The following LOC400499 variants were observed in gnomAD, a reference collection of about 807,000 sequenced individuals.
the LOC400499 span, among the ~76,000 whole-genome samples, chr16:11,503,528 G>A: frequency 6.6e-6 from 1 of 152,170 alleles, no homozygotes. Context: ...GCCAGGGCCA[G>A]GCCTGAATCC....
the LOC400499 span, chr16:11,384,134 CGCCT>C: frequency 8.2e-7 from 1 of 1,215,096 alleles, no homozygotes; most frequent in Non-Finnish European, 1.0e-6. Flanking sequence ...GCCATCAGGC[CGCCT>C]GCCTCTCCCG....
At chr16:11,454,789 A>G in the LOC400499 span, among the ~76,000 whole-genome samples, 2 of 152,244 alleles carry the variant, frequency 1.3e-5, no homozygotes, top group African/African-American at 4.8e-5. Context: ...AGCTACTGAA[A>G]GATGTACTCC....
the LOC400499 span, chr16:11,460,526 T>A: frequency 1.7e-5 from 26 of 1,535,066 alleles, 1 homozygote; most frequent in African/African-American, 1.9e-4. Flanking sequence ...GTGGCGCAGC[T>A]CCAGCCTGTA....
At chr16:11,396,362 C>T in the LOC400499 span, 1 of 739,526 alleles carries the variant, frequency 1.4e-6, no homozygotes. Flanking sequence ...GAAGCTCTGG[C>T]CCCATCCAGA....
At chr16:11,374,506 G>A in the LOC400499 span, among the ~76,000 whole-genome samples, 2 of 152,174 alleles carry the variant, frequency 1.3e-5, no homozygotes, top group South Asian at 2.1e-4. Context: ...CCCAGCTCCC[G>A]GCAGCCACCA....
chr16:11,445,506 G>C, the LOC400499 span, among the ~76,000 whole-genome samples: 5 of 152,136 alleles, frequency 3.3e-5, no homozygotes, highest in Non-Finnish European at 5.9e-5. Flanking sequence ...TCAGGTGAGA[G>C]GATGCTTGAG....
At chr16:11,408,732 T>C in the LOC400499 span, among the ~76,000 whole-genome samples, 4 of 152,166 alleles carry the variant, frequency 2.6e-5, no homozygotes, top group Non-Finnish European at 5.9e-5. Flanking sequence ...CAAAGTGTTG[T>C]GATTATGAGT....
At chr16:11,393,893 C>T in the LOC400499 span, among the ~76,000 whole-genome samples, 1 of 152,182 alleles carries the variant, frequency 6.6e-6, no homozygotes, top group Non-Finnish European at 1.5e-5. Flanking sequence ...GCCTGGACCA[C>T]ATGGCAAAAA....
chr16:11,426,599 C>T, the LOC400499 span, among the ~76,000 whole-genome samples: 1 of 151,226 alleles, frequency 6.6e-6, no homozygotes, highest in Non-Finnish European at 1.5e-5. Context: ...TTCTTAGCTA[C>T]TGCAATAAGA....
the LOC400499 span, among the ~76,000 whole-genome samples, chr16:11,438,591 C>G: frequency 3.3e-5 from 4 of 119,978 alleles, no homozygotes; most frequent in African/African-American, 1.4e-4. Context: ...GGCAACATAG[C>G]GAGACCCTGT....
At chr16:11,521,040 C>T in the LOC400499 span, among the ~76,000 whole-genome samples, 1 of 152,120 alleles carries the variant, frequency 6.6e-6, no homozygotes, top group African/African-American at 2.4e-5. Flanking sequence ...ATAAAAACAA[C>T]CACAAGTGTT....
chr16:11,446,700 T>C, the LOC400499 span: 1 of 1,532,342 alleles, frequency 6.5e-7, no homozygotes, highest in Non-Finnish European at 8.7e-7. Flanking sequence ...GCTGGGGCCT[T>C]CCTCTGGCTC....
chr16:11,423,567 C>G, the LOC400499 span, among the ~76,000 whole-genome samples: 1 of 152,242 alleles, frequency 6.6e-6, no homozygotes, highest in African/African-American at 2.4e-5. Flanking sequence ...GAGGAAGCAT[C>G]TTGCATGTGG....
At chr16:11,441,927 A>C in the LOC400499 span, among the ~76,000 whole-genome samples, 2 of 152,240 alleles carry the variant, frequency 1.3e-5, no homozygotes, top group African/African-American at 4.8e-5. Context: ...TAAACCACTA[A>C]GATTTCAGAG....
chr16:11,489,119 G>A, the LOC400499 span, among the ~76,000 whole-genome samples: 2 of 152,350 alleles, frequency 1.3e-5, no homozygotes, highest in Non-Finnish European at 2.9e-5. Context: ...AAAGGAAGGT[G>A]TCATGGACTC....
At chr16:11,484,303 G>A in the LOC400499 span, among the ~76,000 whole-genome samples, 19 of 152,162 alleles carry the variant, frequency 1.2e-4, no homozygotes, top group East Asian at 3.9e-4. Flanking sequence ...CACTACGCCC[G>A]GCCGCAGGAA....
At chr16:11,419,987 C>T in the LOC400499 span, among the ~76,000 whole-genome samples, 1 of 150,746 alleles carries the variant, frequency 6.6e-6, no homozygotes, top group South Asian at 2.1e-4. Context: ...CACTTTTACA[C>T]TGTTGGTGGG....
At chr16:11,459,010 C>T in the LOC400499 span, among the ~76,000 whole-genome samples, 125 of 151,400 alleles carry the variant, frequency 8.3e-4, 2 homozygotes, top group East Asian at 0.021. Flanking sequence ...GCACTCCAGC[C>T]TGGGCGACAG....
chr16:11,449,957 A>G, the LOC400499 span, among the ~76,000 whole-genome samples: 210 of 152,306 alleles, frequency 1.4e-3, no homozygotes, highest in African/African-American at 4.8e-3. Context: ...CGGCTAGCCG[A>G]CCACACCTTG....
Sources: allele counts gnomAD v4.1 joint callset (sites outside exome capture counted in the v4.1 genomes callset), GRCh38; gene constraint gnomAD v4.1.1; transcripts MANE v1.5.